The following PLEKHO2 variants were observed in gnomAD, a reference collection of about 807,000 sequenced individuals.
PLEKHO2 encodes pleckstrin homology domain containing O2, also known as pleckstrin homology domain-containing family O member 2.
A neutral mutation model predicts 32.7 loss-of-function variants in PLEKHO2; 20 were observed. The observed-to-expected ratio is 0.61, with a 90% CI of 0.43 to 0.89. The LOEUF (loss-of-function observed/expected upper bound fraction) is 0.89. Ranked by LOEUF, PLEKHO2 falls within the 40% of genes least tolerant of loss-of-function variation. The pLI, the probability that PLEKHO2 is intolerant of heterozygous loss-of-function variation, is 0.00. For synonymous variants in PLEKHO2, 247 were observed against 246.3 expected (o/e 1.00, Z -0.03); for missense variants, 568 against 621.2 (o/e 0.91, Z 0.91).
At chr15:64,856,449 C>T (rs555083236) in intron 3 of PLEKHO2, among the ~76,000 whole-genome samples, 1 of 152,166 alleles carries the variant, frequency 6.6e-6, no homozygotes, top group African/African-American at 2.4e-5. Flanking sequence ...CTGGCCTCTG[C>T]CTGTGCTGTT....
At chr15:64,863,529 G>GTGTT (rs1555437690) in intron 5 of PLEKHO2, among the ~76,000 whole-genome samples, 5 of 150,642 alleles carry the variant, frequency 3.3e-5, no homozygotes, top group African/African-American at 1.2e-4. Context: ...TTGTGTGTGT[G>GTGTT]TGTGTGTGTG....
At chr15:64,843,705 T>TGG (rs2084502593) in intron 1 of PLEKHO2, among the ~76,000 whole-genome samples, 2 of 151,818 alleles carry the variant, frequency 1.3e-5, no homozygotes, top group African/African-American at 4.8e-5. Context: ...CTCAGCCTCC[T>TGG]GAATAGCTGG....
intron 3 of PLEKHO2, among the ~76,000 whole-genome samples, 162 bp downstream of exon 3, chr15:64,855,199 A>G (rs865576): frequency 0.72 from 109,064 of 152,154 alleles, 40,125 homozygotes; most frequent in East Asian, 0.94. Flanking sequence ...ACCTTTGCTC[A>G]TTTTGTCTCG....
At chr15:64,842,875 C>T (rs1369768920) in intron 1 of PLEKHO2, among the ~76,000 whole-genome samples, 10 of 152,224 alleles carry the variant, frequency 6.6e-5, no homozygotes, top group Admixed American at 6.5e-4. Flanking sequence ...GCAGCAAGCA[C>T]TTAATATATG....
At chr15:64,857,785 T>C (rs2084615383) in intron 3 of PLEKHO2, among the ~76,000 whole-genome samples, 2 of 152,128 alleles carry the variant, frequency 1.3e-5, no homozygotes, top group Admixed American at 6.5e-5. Flanking sequence ...GCTGGGCCAG[T>C]GGGGAAGGAG....
At chr15:64,852,440 C>T (rs1004573689) in intron 2 of PLEKHO2, among the ~76,000 whole-genome samples, 15 of 152,154 alleles carry the variant, frequency 9.9e-5, no homozygotes, top group Admixed American at 6.5e-4. Flanking sequence ...GAGGGGCTGA[C>T]GAGAGAGTCG....
At chr15:64,842,378 C>CTGTGTG (rs777446391) in intron 1 of PLEKHO2, among the ~76,000 whole-genome samples, 524 of 22,678 alleles carry the variant, frequency 0.023, 21 homozygotes, top group African/African-American at 0.043. Flanking sequence ...GATCCTGACT[C>CTGTGTG]TCTCTCTCTC....
intron 1 of PLEKHO2, among the ~76,000 whole-genome samples, chr15:64,845,415 C>G (rs904529423): frequency 6.6e-6 from 1 of 151,832 alleles, no homozygotes; most frequent in Admixed American, 6.6e-5. Flanking sequence ...ACAAAACCTC[C>G]CCTGTGAACC....
At chr15:64,864,502 G>A (rs1280370258) in intron 5 of PLEKHO2, among the ~76,000 whole-genome samples, 1 of 152,132 alleles carries the variant, frequency 6.6e-6, no homozygotes, top group East Asian at 1.9e-4. Flanking sequence ...GGGTAGGTGG[G>A]TTGCAGAGAA....
chr15:64,842,382 CTCTCTCTCTGTGTGTGTG>C (rs1260160729), intron 1 of PLEKHO2, among the ~76,000 whole-genome samples: 6 of 45,586 alleles, frequency 1.3e-4, no homozygotes, highest in Non-Finnish European at 4.1e-4. Context: ...CTGACTCTCT[CTCTCTCTCTGTGTGTGTG>C]TGTGTGTGTG....
intron 1 of PLEKHO2, among the ~76,000 whole-genome samples, chr15:64,847,960 C>G (rs1250858348): frequency 6.6e-6 from 1 of 152,194 alleles, no homozygotes; most frequent in Non-Finnish European, 1.5e-5. Flanking sequence ...CTGGGCCACC[C>G]CAACCTGAAC....
At chr15:64,850,037 G>A (rs1000565511) in intron 2 of PLEKHO2, among the ~76,000 whole-genome samples, 6 of 151,916 alleles carry the variant, frequency 3.9e-5, no homozygotes, top group Middle Eastern at 3.4e-3. Context: ...GTGCATGTCC[G>A]TAATGCCAGC....
At chr15:64,844,999 CCT>C (rs1220541952) in intron 1 of PLEKHO2, among the ~76,000 whole-genome samples, 1 of 152,184 alleles carries the variant, frequency 6.6e-6, no homozygotes, top group Non-Finnish European at 1.5e-5. Flanking sequence ...GCCTGTGCTT[CCT>C]CTCTCTCAAT....
intron 2 of PLEKHO2, among the ~76,000 whole-genome samples, chr15:64,851,279 C>G (rs1314628448): frequency 6.6e-6 from 1 of 152,178 alleles, no homozygotes; most frequent in Non-Finnish European, 1.5e-5. Flanking sequence ...GGGGTTGTCA[C>G]AGCTTCTTCC....
chr15:64,866,735 A>G lies in PLEKHO2; in HGVS notation c.*847A>G, dbSNP rs1043690. 0.19 allele frequency: 31,376 copies of G among 167,954 alleles called. 4,108 individuals are homozygous for G. The highest frequency in any genetic ancestry group is 0.76 in the East Asian group (4,209 of 5,528). 10.4% of individuals were successfully genotyped at this position (167,954 alleles called of 1,614,324 possible). Reference sequence around the variant, plus strand: ...TGGCTCTGATGTCCACATTAGAAAAACTTACTTGTAATGATCATGTCAGCC... The same window carrying G: ...TGGCTCTGATGTCCACATTAGAAAAGCTTACTTGTAATGATCATGTCAGCC... On this transcript the variant is annotated 3_prime_UTR_variant, in exon 6 of 6. Coordinates refer to ENST00000323544, the MANE Select transcript of PLEKHO2 (RefSeq NM_025201.5).
At chr15:64,846,070 G>A (rs1388998758) in intron 1 of PLEKHO2, among the ~76,000 whole-genome samples, 1 of 152,186 alleles carries the variant, frequency 6.6e-6, no homozygotes, top group Non-Finnish European at 1.5e-5. Context: ...AAATGTGGGG[G>A]TGGGGTTTCC....
chr15:64,864,542 A>T (rs2084667892), intron 5 of PLEKHO2, among the ~76,000 whole-genome samples: 1 of 152,088 alleles, frequency 6.6e-6, no homozygotes. Flanking sequence ...ACAGCTAGGT[A>T]GGGGTTAGAT....
At chr15:64,850,862 A>C (rs559962102) in intron 2 of PLEKHO2, among the ~76,000 whole-genome samples, 76 of 152,328 alleles carry the variant, frequency 5.0e-4, no homozygotes, top group African/African-American at 1.7e-3. Context: ...AGGCTATCGG[A>C]GGGCCCATCC....
rs1238453821 is a variant in PLEKHO2 at position 64,848,621 on chromosome 15, G to GTCC, written c.41_42insTCC (p.Arg14_Gly15insPro). On this transcript the variant is annotated inframe_insertion, in exon 2 of 6. Transcript: ENST00000323544. The stretch of plus-strand genomic sequence containing the variant: ...GTGAAGGAAGCCGGTGAGAAGCCTC[G>GTCC]GGGAGCACAGATGGTGGACAAGGCT... 6.2e-7 allele frequency: 1 copy of GTCC among 1,614,030 alleles called. No homozygotes were observed. The highest frequency in any genetic ancestry group is 1.7e-5 in the Admixed American group (1 of 60,002).
Sources: allele counts gnomAD v4.1 joint callset (sites outside exome capture counted in the v4.1 genomes callset), GRCh38; gene constraint gnomAD v4.1.1; transcripts MANE v1.5; gene names NCBI Gene and HGNC (gene_info 2026-07-23, HGNC 2026-07-21).